The following TRPM1 variants were observed in gnomAD, a reference collection of about 807,000 sequenced individuals.
TRPM1 encodes transient receptor potential cation channel subfamily M member 1, also known as TRPM1-203 APA Isoform, Intron 10.
Under a neutral mutation model 149.4 loss-of-function variants are expected in TRPM1, and 113 were observed. That is an observed-to-expected ratio of 0.76 (90% CI 0.65 to 0.88). The LOEUF is 0.88. Ranked by LOEUF, TRPM1 falls within the 40% of genes least tolerant of loss-of-function variation. TRPM1 has a pLI of 0.00. For missense variants in TRPM1, 1,976 were observed against 2,038.7 expected, an observed-to-expected ratio of 0.97 and a Z score of 0.59; for synonymous variants, 741 against 759.5, an observed-to-expected ratio of 0.98 and a Z score of 0.40.
chr15:31,132,260 T>C (rs528538036), intron 1 of TRPM1, among the ~76,000 whole-genome samples: 182 of 152,308 alleles, frequency 1.2e-3, no homozygotes, highest in Non-Finnish European at 2.1e-3. Flanking sequence ...ACCTCCCGAC[T>C]GAGGGGCCTC....
intron 1 of TRPM1, among the ~76,000 whole-genome samples, chr15:31,121,223 C>CAAAAAAAAAAAAAAAAA (rs71420549): frequency 1.7e-5 from 1 of 59,386 alleles, no homozygotes; most frequent in Non-Finnish European, 3.1e-5. Flanking sequence ...GACTCCATCT[C>CAAAAAAAAAAAAAAAAA]AAAAAAAAAA....
rs2033753711 is a variant in TRPM1, at chr15:31,046,112, G to A, written c.1794+92C>T. 2.3e-6 allele frequency: 3 copies of A among 1,284,092 alleles called. No homozygotes were observed. In the South Asian group the frequency reaches 3.7e-5, roughly 16 times the overall value. The allele number at this position is 1,284,092 out of a possible 1,614,324, so 79.5% of individuals were successfully genotyped here. A position where few individuals can be genotyped will look rare whatever the true frequency, so the allele number is the denominator to read the frequency against. On this transcript the variant is annotated intron_variant, in intron 16 of 27. Transcript: ENST00000256552. ...AAGACATCTAGGTAAATTTTGGTGA[G>A]TAGTATCGTATATTCGCAAATACAG... is the stretch of plus-strand genomic sequence containing the variant.
intron 11 of TRPM1, among the ~76,000 whole-genome samples, chr15:31,053,908 G>T (rs2034014690): frequency 6.6e-6 from 1 of 152,198 alleles, no homozygotes; most frequent in African/African-American, 2.4e-5. Context: ...AGCCTTAAAA[G>T]GAAGGAAATT....
At chr15:31,092,966 TAAAAC>T (rs539306869) in intron 1 of TRPM1, among the ~76,000 whole-genome samples, 261 of 152,170 alleles carry the variant, frequency 1.7e-3, no homozygotes, top group African/African-American at 6.1e-3. Context: ...AAGTTCAAAA[TAAAAC>T]AATAAGGGGC....
chr15:31,086,641 T>C lies in TRPM1; in HGVS notation c.-83-5203A>G, dbSNP rs149025116. ...TCTGAGTGGAGCCAGCACTCCTCCCTGTCTCCTCCCCTTGGGCCCTGCTCC... is the reference window on the plus strand; with the variant it reads ...TCTGAGTGGAGCCAGCACTCCTCCCCGTCTCCTCCCCTTGGGCCCTGCTCC... On this transcript the variant is annotated intron_variant, in intron 1 of 27. Coordinates refer to ENST00000256552, the MANE Select transcript of TRPM1 (RefSeq NM_001252024.2). 5.3e-3 allele frequency among the ~76,000 whole-genome samples: 812 copies of C among 152,272 alleles called. 11 individuals carry two copies. Among genetic ancestry groups the C allele is most frequent in the African/African-American group, 0.019 (785 of 41,554 alleles).
intron 1 of TRPM1, among the ~76,000 whole-genome samples, chr15:31,156,195 CA>C (rs35981768): frequency 8.5e-3 from 312 of 36,630 alleles, no homozygotes; most frequent in African/African-American, 0.024. Flanking sequence ...AGACCTCTGT[CA>C]AAAAAAAAAA....
chr15:31,149,262 C>T (rs914838739), intron 1 of TRPM1, among the ~76,000 whole-genome samples: 14 of 152,110 alleles, frequency 9.2e-5, no homozygotes, highest in Non-Finnish European at 2.1e-4. Context: ...GAGAGTTTAC[C>T]CTGGTCTCTG....
intron 10 of TRPM1, among the ~76,000 whole-genome samples, chr15:31,061,225 C>T (rs1258532514): frequency 6.6e-6 from 1 of 152,214 alleles, no homozygotes; most frequent in Non-Finnish European, 1.5e-5. Context: ...CGGTTCTGAC[C>T]TCAGCCCATG....
At chr15:31,123,033 C>T (rs985112105) in intron 1 of TRPM1, among the ~76,000 whole-genome samples, 2 of 152,152 alleles carry the variant, frequency 1.3e-5, no homozygotes, top group South Asian at 2.1e-4. Context: ...CAGAAATAGG[C>T]CTGCACTAAT....
At chr15:31,045,584 G>A (rs2033739992) in intron 16 of TRPM1, among the ~76,000 whole-genome samples, 1 of 152,058 alleles carries the variant, frequency 6.6e-6, no homozygotes, top group South Asian at 2.1e-4. Flanking sequence ...AATGATATTG[G>A]GCATGCTTGT....
intron 1 of TRPM1, among the ~76,000 whole-genome samples, chr15:31,143,018 T>C (rs74936000): frequency 0.033 from 4,988 of 152,326 alleles, 263 homozygotes; most frequent in African/African-American, 0.11. Context: ...TATAATGGAC[T>C]CTCAAAGGCT....
chr15:31,023,154 C>G (rs2032606525), intron 27 of TRPM1, among the ~76,000 whole-genome samples: 1 of 152,216 alleles, frequency 6.6e-6, no homozygotes, highest in Non-Finnish European at 1.5e-5. Flanking sequence ...GGGTCCTGAC[C>G]TAGTCTAAGG....
At chr15:31,026,824 C>G in intron 26 of TRPM1, 91 bp downstream of exon 26, 1 of 1,358,268 alleles carries the variant, frequency 7.4e-7, no homozygotes, top group Admixed American at 1.7e-5. Flanking sequence ...TTCACACGAG[C>G]AAGTAGTTGA....
intron 1 of TRPM1, among the ~76,000 whole-genome samples, chr15:31,089,953 G>A (rs1020110388): frequency 2.0e-5 from 3 of 152,142 alleles, no homozygotes; most frequent in Non-Finnish European, 4.4e-5. Context: ...AGTGACTACG[G>A]TGTGTGTGTG....
chr15:31,037,887 G>T (rs2033468474), intron 19 of TRPM1, 45 bp from the exon 20 acceptor site: 10 of 1,613,812 alleles, frequency 6.2e-6, no homozygotes, highest in Non-Finnish European at 6.8e-6. Flanking sequence ...GGCTAAATGG[G>T]AAATGCAAGG....
Position 31,035,536 on chromosome 15 carries a change from G to C in TRPM1, c.2700+10C>G. ...GTTAGTGGGCTGGGGGAGGCCTTTGGAGTAGCCACCTCTCGTATCTTCTCT... is the reference window on the plus strand; with the variant it reads ...GTTAGTGGGCTGGGGGAGGCCTTTGCAGTAGCCACCTCTCGTATCTTCTCT... On this transcript the variant is annotated intron_variant, in intron 21 of 27. Coordinates refer to ENST00000256552, the MANE Select transcript of TRPM1 (RefSeq NM_001252024.2). 4.3e-6 allele frequency: 7 copies of C among 1,614,082 alleles called. No homozygotes were observed. The highest frequency in any genetic ancestry group is 5.9e-6 in the Non-Finnish European group (7 of 1,180,004).
In TRPM1 at chr15:31,002,950, C is replaced by A. The variant is rs773353230; in HGVS notation, c.3750G>T (p.Val1250=). The change falls in exon 28 of 28, where the codon GTG becomes GTT. Residue 1250 remains valine, a synonymous_variant. Transcript: ENST00000256552. ...TTCCCGCAAGATTTTCAAGAGCATT[C>A]ACCATTCTGTTAGATAATTCTTCTA... ...AQLEELSNRM[V]NALENLAGID... is the part of the protein sequence containing the mutation. 3 of 1,601,940 alleles carry A rather than the reference C, an allele frequency of 1.9e-6. No homozygotes were observed. The highest frequency in any genetic ancestry group is 2.6e-6 in the Non-Finnish European group (3 of 1,172,854).
At chr15:31,069,750 TGGA>T in intron 4 of TRPM1, 1 of 1,439,854 alleles carries the variant, frequency 6.9e-7, no homozygotes, top group Non-Finnish European at 9.1e-7. Flanking sequence ...GATGGAGCAA[TGGA>T]GTGTGTTTGC....
At chr15:31,047,806 A>G in intron 14 of TRPM1, 83 bp downstream of exon 14, 3 of 1,123,274 alleles carry the variant, frequency 2.7e-6, no homozygotes, top group Non-Finnish European at 4.1e-6. Context: ...ATAATAATAC[A>G]TTTTGAAAAT....
Sources: gnomAD v4.1 joint callset for allele counts (sites outside exome capture counted in the v4.1 genomes callset) on GRCh38, gnomAD v4.1.1 for gene constraint, MANE v1.5 for transcripts, NCBI Gene and HGNC (gene_info 2026-07-23, HGNC 2026-07-21) for gene names.